Variants in HS6ST3 observed in about 807,000 individuals in gnomAD.
The protein encoded by HS6ST3 is heparan-sulfate 6-O-sulfotransferase 3.
A neutral mutation model predicts 36.7 loss-of-function variants in HS6ST3; 12 were observed. That is an observed-to-expected ratio of 0.33 (90% confidence interval 0.21 to 0.53). The LOEUF (loss-of-function observed/expected upper bound fraction) is 0.53, where lower values mean the gene tolerates loss of function less well. Among genes scored for constraint, HS6ST3 ranks in the 20% least tolerant of loss-of-function variants. HS6ST3 has a pLI of 0.95. For synonymous variants in HS6ST3, 240 were observed against 257.5 expected (o/e 0.93, Z 0.65); for missense variants, 584 against 640.9 (o/e 0.91, Z 0.96).
chr13:96,435,146 C>A (rs1015625800), intron 1 of HS6ST3, among the ~76,000 whole-genome samples: 2 of 152,264 alleles, frequency 1.3e-5, no homozygotes, highest in African/African-American at 4.8e-5. Context: ...ATTCTAATTG[C>A]AGTGGTTAAA....
At chr13:96,529,532 A>G (rs2056127549) in intron 1 of HS6ST3, among the ~76,000 whole-genome samples, 1 of 152,144 alleles carries the variant, frequency 6.6e-6, no homozygotes. Flanking sequence ...GCATACATGA[A>G]TTTATGTAAT....
At chr13:96,565,347 C>G (rs1166611610) in intron 1 of HS6ST3, among the ~76,000 whole-genome samples, 2 of 152,012 alleles carry the variant, frequency 1.3e-5, no homozygotes, top group East Asian at 3.9e-4. Flanking sequence ...CACAGACTCC[C>G]TTGAAATGTC....
intron 1 of HS6ST3, among the ~76,000 whole-genome samples, chr13:96,456,176 TA>T (rs1203493442): frequency 1.3e-5 from 2 of 152,228 alleles, no homozygotes; most frequent in Admixed American, 1.3e-4. Context: ...CTACAGTAGG[TA>T]TTCCAGGAAT....
intron 1 of HS6ST3, among the ~76,000 whole-genome samples, chr13:96,502,097 A>G (rs972191006): frequency 1.3e-5 from 2 of 152,128 alleles, no homozygotes; most frequent in African/African-American, 4.8e-5. Flanking sequence ...AATAACTAAC[A>G]ATGTTCTAGT....
At chr13:96,326,998 T>C (rs1458451431) in intron 1 of HS6ST3, among the ~76,000 whole-genome samples, 1 of 148,346 alleles carries the variant, frequency 6.7e-6, no homozygotes, top group Non-Finnish European at 1.5e-5. Flanking sequence ...TGTCTGTTCA[T>C]GTCCTTTGCT....
chr13:96,492,849 G>C (rs1276987975), intron 1 of HS6ST3, among the ~76,000 whole-genome samples: 3 of 152,260 alleles, frequency 2.0e-5, no homozygotes, highest in East Asian at 1.9e-4. Flanking sequence ...TCTGTTATAA[G>C]AGAAGAGAGA....
chr13:96,543,019 A>G (rs1458323668), intron 1 of HS6ST3, among the ~76,000 whole-genome samples: 4 of 152,214 alleles, frequency 2.6e-5, no homozygotes, highest in Admixed American at 1.3e-4. Flanking sequence ...ATTCTTTCAG[A>G]AACCAACGAG....
chr13:96,284,915 C>CTTTCT, intron 1 of HS6ST3, among the ~76,000 whole-genome samples: 1 of 29,960 alleles, frequency 3.3e-5, no homozygotes, highest in East Asian at 5.0e-4. Context: ...TATTTGCTTT[C>CTTTCT]TTTCTTTCTT....
intron 1 of HS6ST3, among the ~76,000 whole-genome samples, chr13:96,118,251 C>T (rs558318147): frequency 2.0e-5 from 3 of 152,130 alleles, no homozygotes; most frequent in African/African-American, 4.8e-5. Context: ...GGTCCTAATT[C>T]GATATGACTG....
intron 1 of HS6ST3, among the ~76,000 whole-genome samples, chr13:96,575,088 C>T (rs1350908578): frequency 3.3e-5 from 5 of 152,280 alleles, no homozygotes; most frequent in South Asian, 2.1e-4. Flanking sequence ...GATGGAGACC[C>T]CCATCAAGAT....
rs141526878 is a variant in HS6ST3 at position 96,269,025 on chromosome 13, T to C, written c.707+177456T>C. Among the ~76,000 whole-genome samples, 31 of 152,072 alleles carry C rather than the reference T, an allele frequency of 2.0e-4. No individual in the cohort carries two copies. The East Asian group carries it at 5.4e-3, about 27-fold the overall frequency. On this transcript the variant is annotated intron_variant, in intron 1 of 1. Coordinates refer to ENST00000376705, the MANE Select transcript of HS6ST3 (RefSeq NM_153456.4). ...GTAGCCTGAAAACATTCCTGAATGA[T>C]TGTGTAACTGTTATTATATTGTACT... is the stretch of plus-strand genomic sequence containing the variant.
At chr13:96,554,717 A>G (rs2056232818) in intron 1 of HS6ST3, among the ~76,000 whole-genome samples, 1 of 151,978 alleles carries the variant, frequency 6.6e-6, no homozygotes, top group South Asian at 2.1e-4. Flanking sequence ...TCCTTTTGGT[A>G]TTTCCTCTCA....
intron 1 of HS6ST3, among the ~76,000 whole-genome samples, chr13:96,218,241 A>G (rs1185075636): frequency 6.6e-6 from 1 of 152,154 alleles, no homozygotes; most frequent in Non-Finnish European, 1.5e-5. Context: ...AATGTCAGGT[A>G]AGGGACACAG....
In HS6ST3 at chr13:96,152,439, G is replaced by A. The variant is rs914963660; in HGVS notation, c.707+60870G>A. On this transcript the variant is annotated intron_variant, in intron 1 of 1. Transcript: ENST00000376705. Reference sequence around the variant, plus strand: ...TGCAAGCTCCGCCTCCCGGGTTCTCGCCATTCTCCTGCCTCAGCCTCCTGA... The same window carrying A: ...TGCAAGCTCCGCCTCCCGGGTTCTCACCATTCTCCTGCCTCAGCCTCCTGA... Among the ~76,000 whole-genome samples, 4 of 151,326 alleles carry A rather than the reference G, an allele frequency of 2.6e-5. No homozygotes were observed. The South Asian group carries it at 6.3e-4, about 24-fold the overall frequency.
At chr13:96,744,496 A>C (rs1305271055) in intron 1 of HS6ST3, among the ~76,000 whole-genome samples, 1 of 152,058 alleles carries the variant, frequency 6.6e-6, no homozygotes, top group Non-Finnish European at 1.5e-5. Flanking sequence ...CAGGCTTTCC[A>C]TTTGCACTTG....
At chr13:96,800,523 T>C (rs1878040997) in intron 1 of HS6ST3, among the ~76,000 whole-genome samples, 1 of 152,048 alleles carries the variant, frequency 6.6e-6, no homozygotes, top group Admixed American at 6.6e-5. Flanking sequence ...TATCCCAAGG[T>C]CAAAACTTTG....
At chr13:96,661,505 GT>G (rs2056646218) in intron 1 of HS6ST3, among the ~76,000 whole-genome samples, 1 of 151,958 alleles carries the variant, frequency 6.6e-6, no homozygotes, top group Non-Finnish European at 1.5e-5. Context: ...CATTAGGTGG[GT>G]TTCTTGAAGG....
chr13:96,249,945 A>T (rs1255037591), intron 1 of HS6ST3, among the ~76,000 whole-genome samples: 1 of 152,198 alleles, frequency 6.6e-6, no homozygotes, highest in African/African-American at 2.4e-5. Context: ...TTGCACAGGA[A>T]CGAGGAGGTG....
At chr13:96,389,573 T>C (rs1051886055) in intron 1 of HS6ST3, among the ~76,000 whole-genome samples, 2 of 152,160 alleles carry the variant, frequency 1.3e-5, no homozygotes, top group Non-Finnish European at 2.9e-5. Context: ...ATTCAAGCAT[T>C]TATCTAGAAA....
Sources: allele counts gnomAD v4.1 joint callset (sites outside exome capture counted in the v4.1 genomes callset), GRCh38; gene constraint gnomAD v4.1.1; transcripts MANE v1.5; gene names NCBI Gene and HGNC (gene_info 2026-07-23, HGNC 2026-07-21).